Variants in CLASP1 observed in about 807,000 individuals in gnomAD.
CLASP1 encodes cytoplasmic linker associated protein 1, also known as CLIP-associating protein 1.
CLASP1 carries 38 observed loss-of-function variants against 192.3 expected under a neutral mutation model. The observed-to-expected ratio is 0.20, with a 90% CI of 0.15 to 0.26. CLASP1 has a LOEUF of 0.26. CLASP1 is among the 10% of genes least tolerant of loss of function. CLASP1 has a pLI of 1.00. For synonymous variants in CLASP1, 691 were observed against 712.8 expected (o/e 0.97, Z 0.49); for missense variants, 1,433 against 1,932.5 (o/e 0.74, Z 4.85).
intron 1 of CLASP1, among the ~76,000 whole-genome samples, chr2:121,627,006 G>T (rs1474528025): frequency 6.6e-6 from 1 of 151,608 alleles, no homozygotes. Context: ...ACCATCACAT[G>T]CATTCCCACA....
rs753789275 is a variant in CLASP1 at position 121,459,969 on chromosome 2, G to A, written c.1178+11C>T. 6.2e-6 allele frequency: 10 copies of A among 1,607,690 alleles called. No individual in the cohort carries two copies. Among genetic ancestry groups the A allele is most frequent in the African/African-American group, 5.4e-5 (4 of 74,504 alleles). ...TTTTATGGTGAGAATATGGAGCATC[G>A]CAGTCCTTACCCCAACGTGATACAA... On this transcript the variant is annotated intron_variant, in intron 12 of 39. Transcript: ENST00000263710.
chr2:121,637,898 A>G (rs1328271603), intron 1 of CLASP1, among the ~76,000 whole-genome samples: 1 of 151,950 alleles, frequency 6.6e-6, no homozygotes, highest in Non-Finnish European at 1.5e-5. Context: ...AAAAAAAAAG[A>G]ATTGAAAAAC....
At chr2:121,343,444 T>C (rs919424315) in intron 39 of CLASP1, among the ~76,000 whole-genome samples, 3 of 150,684 alleles carry the variant, frequency 2.0e-5, no homozygotes, top group African/African-American at 7.3e-5. Flanking sequence ...GATGAGCAGA[T>C]AAACAAACCA....
At chr2:121,494,825 A>G (rs2093462008) in intron 8 of CLASP1, among the ~76,000 whole-genome samples, 2 of 151,902 alleles carry the variant, frequency 1.3e-5, no homozygotes, top group South Asian at 4.2e-4. Context: ...GATTGAGACC[A>G]TCCTGGCTAA....
intron 2 of CLASP1, among the ~76,000 whole-genome samples, chr2:121,583,465 T>C (rs543259965): frequency 1.9e-4 from 29 of 152,294 alleles, no homozygotes; most frequent in African/African-American, 6.7e-4. Context: ...ACCTGACACA[T>C]AGCAGGAGAT....
rs571095859 is a variant in CLASP1, at chr2:121,637,212, A to C, written c.-286+12160T>G. Among the ~76,000 whole-genome samples, 13 of 152,356 alleles carry C rather than the reference A, an allele frequency of 8.5e-5. 1 individual carries two copies. In the South Asian group the frequency reaches 2.7e-3, roughly 32 times the overall value. ...TGCCTCATATATCAAGCAGCAACAC[A>C]ATAACACACACAAAACATCCACATC... is the stretch of plus-strand genomic sequence containing the variant. On this transcript the variant is annotated intron_variant, in intron 1 of 39. Transcript: ENST00000263710.
At chr2:121,363,140 G>T in intron 37 of CLASP1, 32 bp downstream of exon 38, 4 of 1,613,432 alleles carry the variant, frequency 2.5e-6, no homozygotes, top group Non-Finnish European at 3.4e-6. Context: ...TGACCCGTCT[G>T]TTCAGCACCC....
At chr2:121,379,215 C>CA (rs189429636) in intron 33 of CLASP1, among the ~76,000 whole-genome samples, 2,876 of 77,904 alleles carry the variant, frequency 0.037, 64 homozygotes, top group African/African-American at 0.095. Context: ...GGAGAGTTCA[C>CA]AAAAAAAAAA....
chr2:121,515,970 G>T (rs967788020), intron 6 of CLASP1, among the ~76,000 whole-genome samples: 5 of 152,110 alleles, frequency 3.3e-5, no homozygotes, highest in Non-Finnish European at 7.3e-5. Context: ...GTAAAACTGT[G>T]GGACCCCCAT....
intron 36 of CLASP1, 111 bp from the exon 38 acceptor site, chr2:121,363,411 CTCG>C: frequency 8.0e-7 from 1 of 1,255,678 alleles, no homozygotes; most frequent in Non-Finnish European, 1.1e-6. Flanking sequence ...TCCCTGGAAC[CTCG>C]CAGAACCCTC....
intron 1 of CLASP1, among the ~76,000 whole-genome samples, chr2:121,610,112 T>G (rs187954810): frequency 5.3e-4 from 80 of 152,296 alleles, no homozygotes; most frequent in South Asian, 2.9e-3. Context: ...AAAAAATAAT[T>G]GTATTTTAAA....
chr2:121,563,782 C>G (rs578040338), intron 2 of CLASP1, among the ~76,000 whole-genome samples: 165 of 152,176 alleles, frequency 1.1e-3, no homozygotes, highest in Non-Finnish European at 1.9e-3. Context: ...AAAGAATGAG[C>G]AAGGGGTGAA....
chr2:121,646,119 T>C (rs1168737581), intron 1 of CLASP1, among the ~76,000 whole-genome samples: 1 of 152,212 alleles, frequency 6.6e-6, no homozygotes, highest in Non-Finnish European at 1.5e-5. Context: ...TCCCTTGTTT[T>C]GTTTTTGTTT....
chr2:121,348,507 C>A lies in CLASP1; in HGVS notation c.4413+5G>T, dbSNP rs775051998. 6.2e-7 allele frequency: 1 copy of A among 1,603,968 alleles called. No individual in the cohort carries two copies. Among genetic ancestry groups the A allele is most frequent in the East Asian group, 2.2e-5 (1 of 44,512 alleles). On this transcript the variant is annotated splice_donor_5th_base_variant and intron_variant, in intron 38 of 39. Coordinates refer to ENST00000263710, the Ensembl canonical transcript of CLASP1. ...GGGGCAGGCCCCACCAACACGAGGG[C>A]CTACCTGCAGCAAGCCTGGGATGAT...
exon 2 of CLASP1, chr2:121,605,762 G>T (rs1276114937): frequency 1.9e-6 from 3 of 1,613,990 alleles, no homozygotes; most frequent in Non-Finnish European, 2.5e-6. Flanking sequence ...ATCTAACATG[G>T]TCTGGTCATG....
intron 2 of CLASP1, among the ~76,000 whole-genome samples, chr2:121,594,216 C>T (rs1477590648): frequency 2.9e-5 from 4 of 136,166 alleles, no homozygotes; most frequent in East Asian, 2.4e-4. Context: ...AGGAGAATGG[C>T]GTGAACCCGG....
chr2:121,465,874 A>G (rs2089466169), intron 9 of CLASP1, among the ~76,000 whole-genome samples: 1 of 152,206 alleles, frequency 6.6e-6, no homozygotes, highest in Non-Finnish European at 1.5e-5. Flanking sequence ...CCGCATATCT[A>G]CAACTATCTG....
intron 7 of CLASP1, among the ~76,000 whole-genome samples, chr2:121,505,645 T>C (rs988275080): frequency 1.3e-5 from 2 of 152,214 alleles, no homozygotes; most frequent in African/African-American, 2.4e-5. Context: ...TTCAAAGACA[T>C]TGAATACATA....
chr2:121,403,317 T>C, intron 26 of CLASP1: 1 of 432,140 alleles, frequency 2.3e-6, no homozygotes, highest in Non-Finnish European at 4.7e-6. Context: ...TTCTTTTCTA[T>C]ATCCCTGCCC....
Sources: allele counts gnomAD v4.1 joint callset (sites outside exome capture counted in the v4.1 genomes callset), GRCh38; gene constraint gnomAD v4.1.1; transcripts MANE v1.5; gene names NCBI Gene and HGNC (gene_info 2026-07-23, HGNC 2026-07-21).